Variants in RPS6KA2 observed in about 807,000 individuals in gnomAD.
RPS6KA2 encodes the protein ribosomal protein S6 kinase alpha-2.
RPS6KA2 carries 42 observed loss-of-function variants against 91.8 expected under a neutral mutation model. That is an observed-to-expected ratio of 0.46 (90% CI 0.36 to 0.59). RPS6KA2 has a LOEUF of 0.59. Among genes scored for constraint, RPS6KA2 ranks in the 20% least tolerant of loss-of-function variants. The pLI is 0.00. For synonymous variants in RPS6KA2, 414 were observed against 393.6 expected (o/e 1.05, Z -0.61); for missense variants, 798 against 978.5 (o/e 0.82, Z 2.46).
upstream of RPS6KA2, chr6:166,627,640 T>C (rs1311697571): frequency 6.6e-6 from 1 of 152,406 alleles, no homozygotes; most frequent in Non-Finnish European, 1.5e-5. Context: ...GCATACCTAA[T>C]GAGCCTCGGC....
chr6:166,561,146 G>A (rs1203092779), intron 1 of RPS6KA2, among the ~76,000 whole-genome samples: 1 of 152,038 alleles, frequency 6.6e-6, no homozygotes, highest in Non-Finnish European at 1.5e-5. Flanking sequence ...TGTTTCCTGG[G>A]TGCACTTGTG....
At chr6:166,596,715 T>C (rs1785546212) in intron 1 of RPS6KA2, among the ~76,000 whole-genome samples, 1 of 152,190 alleles carries the variant, frequency 6.6e-6, no homozygotes, top group Non-Finnish European at 1.5e-5. Context: ...TACCTTGTGA[T>C]GGTGTGAGTC....
At chr6:166,833,766 G>A (rs1780246402) in intron 2 of RPS6KA2, among the ~76,000 whole-genome samples, 1 of 152,184 alleles carries the variant, frequency 6.6e-6, no homozygotes, top group Non-Finnish European at 1.5e-5. Context: ...CTATTCACGA[G>A]TTTATCATTT....
In RPS6KA2 at chr6:166,498,660, AAC is replaced by A; in HGVS notation, c.605-12_605-11del. ...TTACTCAGGCCGAAATCTACATGCA[AAC>A]ACAGCACACACACTGCCTCAGTCTC... On this transcript the variant is annotated splice_polypyrimidine_tract_variant and intron_variant, in intron 7 of 20. Transcript: ENST00000265678. The A allele has an allele frequency of 1.2e-6, 2 of 1,613,554 alleles. No homozygotes were observed. Among genetic ancestry groups the A allele is most frequent in the South Asian group, 1.1e-5 (1 of 91,024 alleles).
chr6:166,547,578 G>A (rs1000700241), intron 1 of RPS6KA2, among the ~76,000 whole-genome samples: 15 of 152,252 alleles, frequency 9.9e-5, no homozygotes, highest in Non-Finnish European at 1.5e-4. Context: ...CTTAGCAAAT[G>A]GAGAGGATGT....
intron 2 of RPS6KA2, among the ~76,000 whole-genome samples, chr6:166,536,682 C>G (rs919871258): frequency 6.6e-6 from 1 of 152,218 alleles, no homozygotes; most frequent in Non-Finnish European, 1.5e-5. Context: ...CCCCTCACAC[C>G]AGCTCTGGAC....
intron 2 of RPS6KA2, among the ~76,000 whole-genome samples, chr6:166,734,654 A>G (rs1403903363): frequency 8.2e-6 from 1 of 121,948 alleles, no homozygotes. Flanking sequence ...GCACTGCAAG[A>G]GTCACTGGGG....
In RPS6KA2 at chr6:166,435,374, G is replaced by A. The variant is rs1779259698; in HGVS notation, c.1333-2884C>T. On this transcript the variant is annotated intron_variant, in intron 14 of 20. Coordinates refer to ENST00000265678, the MANE Select transcript of RPS6KA2 (RefSeq NM_021135.6). The surrounding 1 kb of genome is among the most constrained non-coding windows in gnomAD (Gnocchi z 4.3). The stretch of plus-strand genomic sequence containing the variant: ...AGGCACACTGGATTTCAACCCATCG[G>A]AGCCAGTGTCCTGGTCATTTGCTAG... 6.6e-6 allele frequency among the ~76,000 whole-genome samples: 1 copy of A among 152,224 alleles called. No homozygotes were observed. Among genetic ancestry groups the A allele is most frequent in the Non-Finnish European group, 1.5e-5 (1 of 68,038 alleles).
At chr6:166,574,709 T>G (rs1026474119) in intron 1 of RPS6KA2, among the ~76,000 whole-genome samples, 24 of 152,328 alleles carry the variant, frequency 1.6e-4, no homozygotes, top group African/African-American at 4.8e-4. Context: ...CTATTTTAAG[T>G]TCTGCAAGAG....
intron 2 of RPS6KA2, among the ~76,000 whole-genome samples, chr6:166,772,665 A>C (rs559719187): frequency 6.6e-6 from 1 of 152,100 alleles, no homozygotes; most frequent in Non-Finnish European, 1.5e-5. Context: ...CCACTCCATG[A>C]CCTACTCTCA....
intron 1 of RPS6KA2, among the ~76,000 whole-genome samples, chr6:166,599,573 G>A (rs1271502884): frequency 2.0e-5 from 3 of 152,274 alleles, no homozygotes; most frequent in African/African-American, 4.8e-5. Context: ...TTCATGACAC[G>A]GGGAAGACAG....
intron 2 of RPS6KA2, among the ~76,000 whole-genome samples, chr6:166,789,203 G>A (rs546146370): frequency 9.8e-5 from 15 of 152,308 alleles, no homozygotes; most frequent in Admixed American, 5.9e-4. Flanking sequence ...AGCGCACCAG[G>A]AGATTATATC....
At position 166,825,692 on chromosome 6, in the gene RPS6KA2, C is replaced by T. The variant is rs1780033661; in HGVS notation, c.123+32508G>A. Among the ~76,000 whole-genome samples, 1 of 152,106 alleles carries T rather than the reference C, an allele frequency of 6.6e-6. No homozygotes were observed. Among genetic ancestry groups the T allele is most frequent in the African/African-American group, 2.4e-5 (1 of 41,414 alleles). ...ATAGACAGCAACTTCTCCCTGTGTC[C>T]CCGGTGGTGGAAGTGGTGAGGGAGC... On this transcript the variant is annotated intron_variant, in intron 2 of 21. Transcript: ENST00000503859. This position sits in a 1 kb window ranked among gnomAD's most constrained non-coding sequence, Gnocchi z 4.1.
intron 1 of RPS6KA2, among the ~76,000 whole-genome samples, chr6:166,555,779 C>T (rs543413865): frequency 1.3e-5 from 2 of 152,152 alleles, no homozygotes; most frequent in African/African-American, 2.4e-5. Context: ...CATCCTTCTC[C>T]CTACCCAGAT....
At chr6:166,793,950 A>G (rs1779159525) in intron 2 of RPS6KA2, among the ~76,000 whole-genome samples, 1 of 146,710 alleles carries the variant, frequency 6.8e-6, no homozygotes, top group Admixed American at 7.0e-5. Context: ...ATGGGCAAGG[A>G]CTTCATGTCC....
chr6:166,836,423 T>C (rs1780317315), intron 2 of RPS6KA2, among the ~76,000 whole-genome samples: 2 of 144,694 alleles, frequency 1.4e-5, no homozygotes, highest in Admixed American at 7.0e-5. Flanking sequence ...TTAATAAATA[T>C]AAGACTATAC....
chr6:166,683,738 C>T (rs369425772), intron 2 of RPS6KA2, among the ~76,000 whole-genome samples: 76 of 152,348 alleles, frequency 5.0e-4, no homozygotes, highest in African/African-American at 1.8e-3. Flanking sequence ...TGGAGCTTTT[C>T]GCATCCAGGG....
rs1005896331 is a variant in RPS6KA2 at position 166,842,321 on chromosome 6, T to C, written c.123+15879A>G. On this transcript the variant is annotated intron_variant, in intron 2 of 21. Transcript: ENST00000503859. ...AAGATGAAAGTCGCCAGGGTGGCCC[T>C]GATCCAATATAACTGCGTTCTTAGA... Among the ~76,000 whole-genome samples the C allele has an allele frequency of 2.6e-5, 4 of 152,212 alleles. No individual in the cohort carries two copies. The East Asian group carries it at 7.7e-4, about 29-fold the overall frequency.
chr6:166,821,662 G>A lies in RPS6KA2; in HGVS notation c.123+36538C>T, dbSNP rs1239123600. Among the ~76,000 whole-genome samples the A allele has an allele frequency of 6.6e-6, 1 of 151,834 alleles. No individual in the cohort carries two copies. The highest frequency in any genetic ancestry group is 1.5e-5 in the Non-Finnish European group (1 of 67,984). On this transcript the variant is annotated intron_variant, in intron 2 of 21. Coordinates refer to the RPS6KA2 transcript ENST00000503859. The surrounding 1 kb of genome is among the most constrained non-coding windows in gnomAD (Gnocchi z 4.1). ...ATTGCTGTGCCCCAGATTTCCACTC[G>A]GAGCCCTCATCCCTTCATAATCTGT...
Sources: allele counts gnomAD v4.1 joint callset (sites outside exome capture counted in the v4.1 genomes callset), GRCh38; gene constraint gnomAD v4.1.1; non-coding constraint Gnocchi (gnomAD v3.1); transcripts MANE v1.5; gene names NCBI Gene and HGNC (gene_info 2026-07-23, HGNC 2026-07-21).